The following HMOX1 variants were observed in gnomAD, a reference collection of about 807,000 sequenced individuals.
The protein encoded by HMOX1 is heat shock protein, 32-kD.
Under a neutral mutation model 27.8 loss-of-function variants are expected in HMOX1, and 22 were observed. That is an observed-to-expected ratio of 0.79 (90% CI 0.57 to 1.13). The LOEUF (loss-of-function observed/expected upper bound fraction) is 1.13, where lower values mean the gene tolerates loss of function less well. HMOX1 is among the 50% of genes most tolerant of loss of function. HMOX1 has a pLI of 0.00. For missense variants in HMOX1, 379 were observed against 377.7 expected, an observed-to-expected ratio of 1.00 and a Z score of -0.03; for synonymous variants, 153 against 151.6, an observed-to-expected ratio of 1.01 and a Z score of -0.07.
At chr22:35,389,335 TTTC>T (rs1931621686) in intron 3 of HMOX1, among the ~76,000 whole-genome samples, 1 of 122,422 alleles carries the variant, frequency 8.2e-6, no homozygotes, top group Non-Finnish European at 1.6e-5. Context: ...TCTTTCTTTC[TTTC>T]TTCTCCTTCC....
chr22:35,389,249 T>C, intron 3 of HMOX1, among the ~76,000 whole-genome samples: 1 of 121,602 alleles, frequency 8.2e-6, no homozygotes, highest in Admixed American at 7.4e-5. Context: ...TTTTCTTTCT[T>C]TTCTCTCTCT....
intron 4 of HMOX1, 24 bp from the exon 5 acceptor site, chr22:35,393,444 A>G: frequency 6.2e-7 from 1 of 1,613,894 alleles, no homozygotes; most frequent in East Asian, 2.2e-5. Flanking sequence ...CCTGTTAATG[A>G]CCTTGCCCCA....
At position 35,389,441 on chromosome 22, in the gene HMOX1, TTTCTTTCTTTTCTTTC is replaced by T. The variant is rs1261233910; in HGVS notation, c.637-420_637-405del. Among the ~76,000 whole-genome samples the T allele has an allele frequency of 1.0e-4, 12 of 116,740 alleles. 2 individuals carry two copies. The highest frequency in any genetic ancestry group is 4.4e-4 in the African/African-American group (10 of 22,756). 76.6% of individuals were successfully genotyped at this position (116,740 alleles called of 152,430 possible). ...CTTTCTTTCTTTCTATCTTTCTTTC[TTTCTTTCTTTTCTTTC>T]TTTCTTGCAGAGTCTCGCCCTGTCA... is the stretch of plus-strand genomic sequence containing the variant. On this transcript the variant is annotated intron_variant, in intron 3 of 4. Coordinates refer to ENST00000216117, the MANE Select transcript of HMOX1 (RefSeq NM_002133.3).
Position 35,393,386 on chromosome 22 carries a change from C to T in HMOX1, c.737-82C>T, listed in dbSNP as rs142486293. ...GTGACTGTACCACAGACCCTGAGGC[C>T]GCTCTGCTTTGCTTTCCTATGACAT... On this transcript the variant is annotated intron_variant, in intron 4 of 4. Coordinates refer to ENST00000216117, the MANE Select transcript of HMOX1 (RefSeq NM_002133.3). 895 of 1,574,068 alleles carry T rather than the reference C, an allele frequency of 5.7e-4. 1 individual carries two copies. In the African/African-American group the frequency reaches 9.5e-3, roughly 17 times the overall value.
At chr22:35,386,626 G>T in intron 2 of HMOX1, 59 bp from the exon 3 acceptor site, 1 of 1,611,262 alleles carries the variant, frequency 6.2e-7, no homozygotes, top group South Asian at 1.1e-5. Context: ...TGGACGGGAC[G>T]GACAGAGGTG....
chr22:35,383,337 C>T, intron 2 of HMOX1, 111 bp downstream of exon 2: 1 of 1,193,508 alleles, frequency 8.4e-7, no homozygotes. Flanking sequence ...ATGGGCATGT[C>T]CAATAGAATC....
intron 2 of HMOX1, among the ~76,000 whole-genome samples, chr22:35,383,983 G>T (rs371058987): frequency 6.6e-6 from 1 of 152,074 alleles, no homozygotes; most frequent in East Asian, 1.9e-4. Flanking sequence ...GAGGGTGTGG[G>T]GGTGGGGAGT....
At chr22:35,383,085 C>T (rs376755108) in intron 1 of HMOX1, 21 bp from the exon 2 acceptor site, 5 of 1,612,660 alleles carry the variant, frequency 3.1e-6, no homozygotes, top group East Asian at 4.5e-5. Context: ...TTTGTGTTCA[C>T]CTTTCCCATT....
intron 2 of HMOX1, among the ~76,000 whole-genome samples, chr22:35,385,135 A>T (rs906612060): frequency 6.6e-6 from 1 of 152,182 alleles, no homozygotes; most frequent in Non-Finnish European, 1.5e-5. Flanking sequence ...GGTACACTCA[A>T]GACCTGTTGC....
At chr22:35,383,070 C>T (rs747223318) in intron 1 of HMOX1, 36 bp from the exon 2 acceptor site, 2 of 1,611,270 alleles carry the variant, frequency 1.2e-6, no homozygotes, top group African/African-American at 2.7e-5. Context: ...CCACCCCCAG[C>T]CAGCTTTGTG....
rs1350704581 is a variant in HMOX1, at chr22:35,386,967, G to C, written c.427G>C (p.Gly143Arg). The change falls in exon 3 of 5, where the codon GGG becomes CGG. Residue 143 changes from glycine to arginine, a missense_variant. Physicochemically the swap from Gly to Arg is moderately radical, Grantham distance 125. Coordinates refer to ENST00000216117, the MANE Select transcript of HMOX1 (RefSeq NM_002133.3). ...AYTRYLGDLS[G>R]GQVLKKIAQK... ...CACCCGCTACCTGGGTGACCTGTCT[G>C]GGGGCCAGGTGCTCAAAAAGATTGC... 2 of 1,614,030 alleles carry C rather than the reference G, an allele frequency of 1.2e-6. No individual in the cohort carries two copies. Among genetic ancestry groups the C allele is most frequent in the Admixed American group, 1.7e-5 (1 of 60,034 alleles).
rs764824843 is a variant in HMOX1, at chr22:35,387,039, T to C, written c.499T>C (p.Phe167Leu). The C allele has an allele frequency of 5.3e-5, 85 of 1,613,574 alleles. No individual in the cohort carries two copies. The highest frequency in any genetic ancestry group is 6.9e-5 in the Non-Finnish European group (82 of 1,180,028). Reference protein sequence around the residue: ...LPSSGEGLAFFTFPNIASATK... With the variant: ...LPSSGEGLAFLTFPNIASATK... ...CAGCTCTGGCGAGGGCCTGGCCTTC[T>C]TCACCTTCCCCAACATTGCCAGTGC... The change falls in exon 3 of 5, where the codon TTC becomes CTC. Residue 167 changes from phenylalanine (F) to leucine (L), a missense_variant. Physicochemically the swap from Phe to Leu is conservative, Grantham distance 22. Coordinates refer to ENST00000216117, the MANE Select transcript of HMOX1 (RefSeq NM_002133.3).
chr22:35,389,105 A>G (rs1158696203), intron 3 of HMOX1, among the ~76,000 whole-genome samples: 1 of 152,106 alleles, frequency 6.6e-6, no homozygotes, highest in Non-Finnish European at 1.5e-5. Context: ...GATCATTGTT[A>G]TCGGTTGGGA....
rs142857696 is a variant in HMOX1, at chr22:35,387,119, C to T, written c.579C>T (p.Pro193=). The stretch of plus-strand genomic sequence containing the variant: ...GCATGAACTCCCTGGAGATGACTCC[C>T]GCAGTCAGGCAGAGGGTGATAGAAG... ...RSRMNSLEMT[P]AVRQRVIEEA... Residue 193 remains proline (P), a synonymous_variant, in exon 3 of 5, where the codon CCC becomes CCT. Transcript: ENST00000216117. 371 of 1,613,614 alleles carry T rather than the reference C, an allele frequency of 2.3e-4. No individual in the cohort carries two copies. Among genetic ancestry groups the T allele is most frequent in the Middle Eastern group, 3.3e-4 (2 of 6,062 alleles).
chr22:35,393,289 G>A (rs1408135875), intron 4 of HMOX1, among the ~76,000 whole-genome samples, 179 bp from the exon 5 acceptor site: 3 of 152,192 alleles, frequency 2.0e-5, no homozygotes, highest in East Asian at 1.9e-4. Context: ...TGAGCTGCCC[G>A]TCTTTGAAGG....
Position 35,389,252 on chromosome 22 carries a change from C to CTTTCTTT in HMOX1, c.637-611_637-610insTTCTTTT, listed in dbSNP as rs1569057162. 2.5e-3 allele frequency among the ~76,000 whole-genome samples: 146 copies of CTTTCTTT among 58,246 alleles called. 22 individuals carry two copies. Among genetic ancestry groups the CTTTCTTT allele is most frequent in the African/African-American group, 0.011 (111 of 9,982 alleles). The allele number at this position is 58,246 out of a possible 152,430, so 38.2% of individuals were successfully genotyped here. A position where few individuals can be genotyped will look rare whatever the true frequency, so the allele number is the denominator to read the frequency against. Reference sequence around the variant, plus strand: ...TTCTTTCTTTCTTTTTCTTTCTTTTCTCTCTCTCTCTCTCTCTCTCTCCTC... The same window carrying CTTTCTTT: ...TTCTTTCTTTCTTTTTCTTTCTTTTCTTTCTTTTCTCTCTCTCTCTCTCTCTCTCCTC... On this transcript the variant is annotated intron_variant, in intron 3 of 4. Transcript: ENST00000216117.
Position 35,393,528 on chromosome 22 carries a change from C to T in HMOX1, c.797C>T (p.Pro266Leu), listed in dbSNP as rs35980144. The stretch of plus-strand genomic sequence containing the variant: ...CCACTCAACACCCGCTCCCAGGCTC[C>T]GCTTCTCCGATGGGTCCTTACACTC... ...KPPLNTRSQAPLLRWVLTLSF... is the reference protein window; with the variant it reads ...KPPLNTRSQALLLRWVLTLSF... The change falls in exon 5 of 5, where the codon CCG becomes CTG. Residue 266 changes from proline (P) to leucine (L), a missense_variant. Transcript: ENST00000216117. 545 of 1,614,232 alleles carry T rather than the reference C, an allele frequency of 3.4e-4. 1 individual carries two copies. The highest frequency in any genetic ancestry group is 1.2e-4 in the African/African-American group (9 of 75,066).
Position 35,381,206 on chromosome 22 carries a change from G to T in HMOX1, c.23+10G>T. ...GTCCGCAACCCGACAGGCAAGCGCG[G>T]GGCGCGGGACGCGGGACGGGCGCCT... On this transcript the variant is annotated intron_variant, in intron 1 of 4. Transcript: ENST00000216117. 1 of 1,547,256 alleles carries T rather than the reference G, an allele frequency of 6.5e-7. No individual in the cohort carries two copies.
chr22:35,385,976 G>A (rs1931492327), intron 2 of HMOX1, among the ~76,000 whole-genome samples: 1 of 148,636 alleles, frequency 6.7e-6, no homozygotes, highest in East Asian at 2.0e-4. Context: ...ATTTTTTTGA[G>A]ACAGAATTTC....
Sources: gnomAD v4.1 joint callset for allele counts (sites outside exome capture counted in the v4.1 genomes callset) on GRCh38, gnomAD v4.1.1 for gene constraint, MANE v1.5 for transcripts, NCBI Gene and HGNC (gene_info 2026-07-23, HGNC 2026-07-21) for gene names.